Variants in AGO3 observed in about 807,000 individuals in gnomAD.
AGO3 encodes protein argonaute-3.
A neutral mutation model predicts 105.5 loss-of-function variants in AGO3; 16 were observed. The observed-to-expected ratio is 0.15, with a 90% CI of 0.10 to 0.23. The LOEUF (loss-of-function observed/expected upper bound fraction) is 0.23. Among genes scored for constraint, AGO3 ranks in the 10% least tolerant of loss-of-function variants. AGO3 has a pLI of 1.00. For missense variants in AGO3, 534 were observed against 1,088.0 expected, an observed-to-expected ratio of 0.49 and a Z score of 7.16; for synonymous variants, 340 against 367.3, an observed-to-expected ratio of 0.93 and a Z score of 0.85.
At chr1:36,020,409 A>T (rs1641155282) in intron 11 of AGO3, among the ~76,000 whole-genome samples, 1 of 152,172 alleles carries the variant, frequency 6.6e-6, no homozygotes, top group Non-Finnish European at 1.5e-5. Context: ...TGCTTGAGTT[A>T]GCAGTTTTAT....
At chr1:35,982,890 A>T in intron 5 of AGO3, 1 of 424,852 alleles carries the variant, frequency 2.4e-6, no homozygotes. Flanking sequence ...TTTGCAAATA[A>T]ACTACAAGCC....
At position 35,975,970 on chromosome 1, in the gene AGO3, CAG is replaced by C. The variant is rs1412698009; in HGVS notation, c.658+2462_658+2463del. ...TCTTTTTTCTTTCTTTTTTTTGAGA[CAG>C]AGTTTCGCTCTGGAGTACAATGGAG... On this transcript the variant is annotated intron_variant, in intron 5 of 18. Coordinates refer to ENST00000373191, the MANE Select transcript of AGO3 (RefSeq NM_024852.4). Among the ~76,000 whole-genome samples the C allele has an allele frequency of 2.9e-4, 43 of 148,580 alleles. 1 individual carries two copies. Among genetic ancestry groups the C allele is most frequent in the South Asian group, 1.3e-3 (6 of 4,726 alleles).
chr1:35,995,857 T>C (rs957556830), intron 5 of AGO3, among the ~76,000 whole-genome samples: 3 of 152,112 alleles, frequency 2.0e-5, no homozygotes, highest in Non-Finnish European at 2.9e-5. Flanking sequence ...TTTGTAGTTT[T>C]AGTAGAGACG....
In AGO3 at chr1:36,027,228, G is replaced by A. The variant is rs1399614341; in HGVS notation, c.1521G>A (p.Arg507=). 6.2e-7 allele frequency: 1 copy of A among 1,614,040 alleles called. No individual in the cohort carries two copies. Among genetic ancestry groups the A allele is most frequent in the Non-Finnish European group, 8.5e-7 (1 of 1,180,030 alleles). The part of the protein sequence containing the change: ...QGADSVEPMF[R]HLKNTYSGLQ... Reference sequence around the variant, plus strand: ...CAGACAGCGTAGAGCCCATGTTCCGGCATCTCAAGAACACATATTCTGGCC... The same window carrying A: ...CAGACAGCGTAGAGCCCATGTTCCGACATCTCAAGAACACATATTCTGGCC... Residue 507 remains arginine (R), a synonymous_variant, in exon 12 of 19, where the codon CGG becomes CGA. Transcript: ENST00000373191. The surrounding 1 kb of genome is among the most constrained non-coding windows in gnomAD (Gnocchi z 4.0).
intron 2 of AGO3, among the ~76,000 whole-genome samples, chr1:35,950,959 T>C (rs1335067977): frequency 1.3e-5 from 2 of 152,136 alleles, no homozygotes; most frequent in Non-Finnish European, 2.9e-5. Flanking sequence ...CATTTTTATT[T>C]TATTTATTTA....
intron 5 of AGO3, among the ~76,000 whole-genome samples, chr1:36,003,709 A>ATATATAT (rs1553165851): frequency 1.3e-4 from 13 of 99,432 alleles, no homozygotes; most frequent in African/African-American, 4.4e-4. Context: ...AAAAAAAAAA[A>ATATATAT]ATATATATAT....
intron 5 of AGO3, among the ~76,000 whole-genome samples, chr1:35,993,162 C>A (rs956878261): frequency 1.3e-5 from 2 of 152,068 alleles, no homozygotes; most frequent in Admixed American, 1.3e-4. Flanking sequence ...AGCTGTGAAT[C>A]CCATATGTCA....
chr1:36,009,442 T>C, intron 8 of AGO3, 33 bp from the exon 9 acceptor site: 2 of 1,585,466 alleles, frequency 1.3e-6, no homozygotes, highest in Non-Finnish European at 1.7e-6. Flanking sequence ...AAAAGATATA[T>C]ACATGTAGTA....
chr1:36,040,497 A>G, intron 16 of AGO3, 56 bp downstream of exon 16: 1 of 1,586,838 alleles, frequency 6.3e-7, no homozygotes, highest in East Asian at 2.2e-5. Flanking sequence ...AACATAGTTC[A>G]TAGAGCATTC....
intron 2 of AGO3, 76 bp downstream of exon 2, chr1:35,945,939 G>C: frequency 1.4e-6 from 2 of 1,413,738 alleles, no homozygotes; most frequent in South Asian, 1.4e-5. Context: ...TTGTATATCT[G>C]AATAACAATT....
intron 1 of AGO3, among the ~76,000 whole-genome samples, chr1:35,940,449 A>G (rs1646233313): frequency 6.6e-6 from 1 of 152,176 alleles, no homozygotes; most frequent in Non-Finnish European, 1.5e-5. Flanking sequence ...CTTAATCGGT[A>G]AGTTTTCTCT....
intron 2 of AGO3, among the ~76,000 whole-genome samples, chr1:35,958,481 TG>T (rs904905940): frequency 3.3e-5 from 5 of 152,006 alleles, no homozygotes; most frequent in African/African-American, 1.2e-4. Context: ...GGCAACATGA[TG>T]AAACTCTGTC....
chr1:36,045,679 A>C (rs2148855405), intron 17 of AGO3, among the ~76,000 whole-genome samples: 1 of 152,128 alleles, frequency 6.6e-6, no homozygotes, highest in South Asian at 2.1e-4. Context: ...AGTAGCTGGA[A>C]TTATAGGCTT....
At chr1:36,036,944 C>G (rs1461795541) in intron 14 of AGO3, among the ~76,000 whole-genome samples, 1 of 152,098 alleles carries the variant, frequency 6.6e-6, no homozygotes, top group East Asian at 1.9e-4. Context: ...AGTCCACCTG[C>G]TTCGGCCTCC....
chr1:35,975,278 A>C (rs1460859992), intron 5 of AGO3, among the ~76,000 whole-genome samples: 1 of 152,140 alleles, frequency 6.6e-6, no homozygotes, highest in Non-Finnish European at 1.5e-5. Context: ...GATTTTCTTC[A>C]ATCAGATTTG....
chr1:35,969,097 T>C (rs943743795), intron 3 of AGO3, among the ~76,000 whole-genome samples: 1 of 152,108 alleles, frequency 6.6e-6, no homozygotes, highest in Non-Finnish European at 1.5e-5. Context: ...AACTGGGTTG[T>C]TTGTTTTGGG....
rs1557724509 is a variant in AGO3, at chr1:36,071,135, T to TA, written c.*15391dup. Reference sequence around the variant, plus strand: ...ACACTTCTGTTATACACAATGCACATACAAACATACACCCCTAAAGCGTAG... The same window carrying TA: ...ACACTTCTGTTATACACAATGCACATAACAAACATACACCCCTAAAGCGTAG... On this transcript the variant is annotated 3_prime_UTR_variant, in exon 19 of 19. Coordinates refer to ENST00000373191, the MANE Select transcript of AGO3 (RefSeq NM_024852.4). The TA allele has an allele frequency of 1.3e-5, 2 of 152,140 alleles. No homozygotes were observed. The highest frequency in any genetic ancestry group is 4.8e-5 in the African/African-American group (2 of 41,430). 9.4% of individuals were successfully genotyped at this position (152,140 alleles called of 1,614,324 possible).
At chr1:36,042,210 G>A (rs1176886830) in intron 16 of AGO3, among the ~76,000 whole-genome samples, 4 of 152,058 alleles carry the variant, frequency 2.6e-5, no homozygotes, top group African/African-American at 9.7e-5. Context: ...TCAGCCTCCT[G>A]AGTAGCTGGG....
chr1:36,052,737 A>G (rs1642767571), intron 17 of AGO3, among the ~76,000 whole-genome samples: 1 of 152,120 alleles, frequency 6.6e-6, no homozygotes, highest in African/African-American at 2.4e-5. Context: ...AAACCTATAT[A>G]TATCAGGCTC....
Sources: allele counts gnomAD v4.1 joint callset (sites outside exome capture counted in the v4.1 genomes callset), GRCh38; gene constraint gnomAD v4.1.1; non-coding constraint Gnocchi (gnomAD v3.1); transcripts MANE v1.5; gene names NCBI Gene and HGNC (gene_info 2026-07-23, HGNC 2026-07-21).